EPB41L2: variants seen among roughly 807,000 people sequenced by gnomAD.
The protein encoded by EPB41L2 is erythrocyte membrane protein band 4.1 like 2, also known as band 4.1-like protein 2.
In EPB41L2, 43 loss-of-function variants were observed where a neutral mutation model predicts 113.0. That is an observed-to-expected ratio of 0.38 (90% CI 0.30 to 0.49). The LOEUF is 0.49. Among genes scored for constraint, EPB41L2 ranks in the 20% least tolerant of loss-of-function variants. The pLI is 0.95. For synonymous variants in EPB41L2, 442 were observed against 436.7 expected, an observed-to-expected ratio of 1.01 and a Z score of -0.15; for missense variants, 1,147 against 1,223.4, an observed-to-expected ratio of 0.94 and a Z score of 0.93.
At chr6:130,960,545 G>A (rs997176617) in intron 1 of EPB41L2, among the ~76,000 whole-genome samples, 7 of 152,090 alleles carry the variant, frequency 4.6e-5, no homozygotes, top group Non-Finnish European at 1.0e-4. Context: ...TAAGGGTTAA[G>A]AGCCTCAAAA....
chr6:130,913,512 TAC>T (rs1800052799), intron 4 of EPB41L2, among the ~76,000 whole-genome samples: 1 of 152,200 alleles, frequency 6.6e-6, no homozygotes, highest in African/African-American at 2.4e-5. Context: ...GGGTACTTAA[TAC>T]AGTTTTAGGC....
rs1029467028 is a variant in EPB41L2, at chr6:130,872,544, G to C, written c.2044-2418C>G. On this transcript the variant is annotated intron_variant, in intron 14 of 19. Transcript: ENST00000337057. ...GTTATCTCCTCTTCTAGGCTCTAGA[G>C]AGGTCAGAAAAGGAAGAGCAAAGAA... 2.5e-5 allele frequency: 32 copies of C among 1,288,268 alleles called. 1 individual carries two copies. In the Admixed American group the frequency reaches 6.7e-4, roughly 27 times the overall value. The allele number at this position is 1,288,268 out of a possible 1,614,324, so 79.8% of individuals were successfully genotyped here.
intron 4 of EPB41L2, 38 bp from the exon 5 acceptor site, chr6:130,908,901 C>T: frequency 6.8e-7 from 1 of 1,477,728 alleles, no homozygotes. Flanking sequence ...AAGAAATATT[C>T]TAGAGTCTAA....
At chr6:130,868,770 C>A (rs1289563683) in intron 15 of EPB41L2, 1 of 152,174 alleles carries the variant, frequency 6.6e-6, no homozygotes, top group African/African-American at 2.4e-5. Flanking sequence ...AGAGACACTG[C>A]ACTTAGTGAC....
rs568999097 is a variant in EPB41L2, at chr6:130,990,405, C to T, written c.-14-33906G>A. 8.0e-5 allele frequency among the ~76,000 whole-genome samples: 12 copies of T among 150,768 alleles called. No individual in the cohort carries two copies. The South Asian group carries it at 1.7e-3, about 21-fold the overall frequency. ...GAAGCCTGTAAAAGAGAAAAAGAAACGAAGACTAGATGGGAGAAATACATA... is the reference window on the plus strand; with the variant it reads ...GAAGCCTGTAAAAGAGAAAAAGAAATGAAGACTAGATGGGAGAAATACATA... On this transcript the variant is annotated intron_variant, in intron 1 of 19. Coordinates refer to ENST00000337057, the MANE Select transcript of EPB41L2 (RefSeq NM_001431.4).
chr6:131,007,960 G>C (rs1785979467), intron 1 of EPB41L2, among the ~76,000 whole-genome samples: 1 of 152,242 alleles, frequency 6.6e-6, no homozygotes, highest in Non-Finnish European at 1.5e-5. Context: ...AAAATTTGCA[G>C]CCTGACAATG....
At chr6:131,061,292 A>G (rs553440603) in intron 1 of EPB41L2, among the ~76,000 whole-genome samples, 5 of 152,342 alleles carry the variant, frequency 3.3e-5, no homozygotes, top group Admixed American at 3.3e-4. Context: ...GGAAGACAGG[A>G]TAGGATTAAA....
At chr6:131,052,091 C>G (rs1371757123) in intron 1 of EPB41L2, among the ~76,000 whole-genome samples, 1 of 151,972 alleles carries the variant, frequency 6.6e-6, no homozygotes, top group Non-Finnish European at 1.5e-5. Context: ...CGCCCACCAC[C>G]ACACCCAGCT....
chr6:130,955,383 AG>A, intron 2 of EPB41L2, 66 bp from the exon 3 acceptor site: 1 of 1,433,856 alleles, frequency 7.0e-7, no homozygotes, highest in Non-Finnish European at 9.6e-7. Context: ...ACATACTAAA[AG>A]GAAAATCTTT....
At chr6:130,945,116 C>T (rs1237429079) in intron 3 of EPB41L2, among the ~76,000 whole-genome samples, 3 of 152,086 alleles carry the variant, frequency 2.0e-5, no homozygotes, top group Admixed American at 6.5e-5. Context: ...TATAAATCTG[C>T]CACTATTTTT....
intron 18 of EPB41L2, among the ~76,000 whole-genome samples, chr6:130,861,867 A>G (rs1191414695): frequency 9.1e-6 from 1 of 109,578 alleles, no homozygotes; most frequent in African/African-American, 2.9e-5. Context: ...GGGAGACTCC[A>G]TCTCCCCAAA....
At position 130,840,205 on chromosome 6, in the gene EPB41L2, CAACAGCACCTGTTCAAGTG is replaced by C. The variant is rs1472161736; in HGVS notation, c.*380_*398del. ...TTAGTCACAGAGTTTCCTTTCTGCGCAACAGCACCTGTTCAAGTGAACAGCACCTTACCAGCTTGGGCTG... is the reference window on the plus strand; with the variant it reads ...TTAGTCACAGAGTTTCCTTTCTGCGCAACAGCACCTTACCAGCTTGGGCTG... On this transcript the variant is annotated 3_prime_UTR_variant, in exon 20 of 20. Transcript: ENST00000337057. 2.0e-5 allele frequency: 3 copies of C among 152,600 alleles called. No homozygotes were observed. Among genetic ancestry groups the C allele is most frequent in the African/African-American group, 7.2e-5 (3 of 41,438 alleles). The allele number at this position is 152,600 out of a possible 1,614,324, so 9.5% of individuals were successfully genotyped here.
At chr6:130,906,606 T>C (rs3777450) in intron 5 of EPB41L2, among the ~76,000 whole-genome samples, 10,975 of 152,294 alleles carry the variant, frequency 0.072, 616 homozygotes, top group African/African-American at 0.14. Flanking sequence ...CTTAGACATA[T>C]AGTCTTATTT....
intron 3 of EPB41L2, among the ~76,000 whole-genome samples, chr6:130,947,430 G>T (rs1292302641): frequency 6.6e-6 from 1 of 152,164 alleles, no homozygotes; most frequent in Non-Finnish European, 1.5e-5. Context: ...GTCCTCTGAA[G>T]AGCCATAAAG....
At chr6:130,859,050 G>A (rs1157468593) in intron 18 of EPB41L2, among the ~76,000 whole-genome samples, 6 of 152,236 alleles carry the variant, frequency 3.9e-5, no homozygotes, top group African/African-American at 9.6e-5. Flanking sequence ...CTTGGACCAC[G>A]TGGTAAGAAA....
rs1792523680 is a variant in EPB41L2, at chr6:130,890,591, A to G, written c.1488-125T>C. On this transcript the variant is annotated intron_variant, in intron 10 of 19. Transcript: ENST00000337057. Reference sequence around the variant, plus strand: ...ATCTCATTTTAAGTATGATTACTCAAAAACTAAACTTTCTAAAGAACATTA... The same window carrying G: ...ATCTCATTTTAAGTATGATTACTCAGAAACTAAACTTTCTAAAGAACATTA... The G allele has an allele frequency of 3.1e-5, 35 of 1,132,474 alleles. No individual in the cohort carries two copies. The South Asian group carries it at 5.9e-4, about 19-fold the overall frequency. 70.2% of individuals were successfully genotyped at this position (1,132,474 alleles called of 1,614,324 possible). A position where few individuals can be genotyped will look rare whatever the true frequency, so the allele number is the denominator to read the frequency against.
intron 1 of EPB41L2, among the ~76,000 whole-genome samples, chr6:131,047,836 G>A (rs746383691): frequency 2.6e-5 from 4 of 152,226 alleles, no homozygotes; most frequent in Non-Finnish European, 4.4e-5. Context: ...CAGGGTGGGA[G>A]GAAGAAAAGA....
At chr6:130,918,235 A>C (rs976015128) in intron 4 of EPB41L2, among the ~76,000 whole-genome samples, 1 of 152,232 alleles carries the variant, frequency 6.6e-6, no homozygotes, top group African/African-American at 2.4e-5. Context: ...TTTCTGGAAC[A>C]AAATGGTCTA....
chr6:130,857,089 G>T (rs1462239538), intron 19 of EPB41L2, among the ~76,000 whole-genome samples: 1 of 152,112 alleles, frequency 6.6e-6, no homozygotes, highest in Non-Finnish European at 1.5e-5. Context: ...TGGTAGACAT[G>T]TTTAATGTGG....
Sources: allele counts gnomAD v4.1 joint callset (sites outside exome capture counted in the v4.1 genomes callset), GRCh38; gene constraint gnomAD v4.1.1; transcripts MANE v1.5; gene names NCBI Gene and HGNC (gene_info 2026-07-23, HGNC 2026-07-21).